The following IFT74 variants were observed in gnomAD, a reference collection of about 807,000 sequenced individuals.
IFT74 encodes the protein intraflagellar transport 74.
In IFT74, 92 loss-of-function variants were observed where a neutral mutation model predicts 96.7. That is an observed-to-expected ratio of 0.95 (90% CI 0.80 to 1.13). IFT74 has a LOEUF of 1.13. IFT74 is among the 50% of genes most tolerant of loss of function. IFT74 has a pLI of 0.00. For synonymous variants in IFT74, 223 were observed against 213.2 expected (o/e 1.05, Z -0.40); for missense variants, 811 against 698.2 (o/e 1.16, Z -1.82).
chr9:27,012,423 G>C (rs540644505), intron 10 of IFT74, among the ~76,000 whole-genome samples: 4 of 151,838 alleles, frequency 2.6e-5, no homozygotes, highest in African/African-American at 7.2e-5. Context: ...ACAGGGTCTC[G>C]TTATGGCTGA....
chr9:27,028,855 G>T (rs1353618275), intron 12 of IFT74, 170 bp from the exon 13 acceptor site: 3 of 516,716 alleles, frequency 5.8e-6, no homozygotes, highest in African/African-American at 2.0e-5. Context: ...TATGCAATTT[G>T]TAAAAGATAT....
chr9:27,021,570 T>C (rs1196768636), intron 12 of IFT74, among the ~76,000 whole-genome samples: 1 of 152,216 alleles, frequency 6.6e-6, no homozygotes, highest in Non-Finnish European at 1.5e-5. Flanking sequence ...GATTTGCATT[T>C]CCCTGATAAT....
chr9:27,057,306 G>C (rs563945285), intron 18 of IFT74, among the ~76,000 whole-genome samples: 81 of 152,154 alleles, frequency 5.3e-4, no homozygotes, highest in African/African-American at 1.8e-3. Context: ...ATAATTACTT[G>C]AACAGTGTGT....
intron 8 of IFT74, chr9:26,999,725 T>TCATTAAG: frequency 6.7e-7 from 1 of 1,489,050 alleles, no homozygotes; most frequent in African/African-American, 1.4e-5. Context: ...GAGAGTATTT[T>TCATTAAG]CATTAAGGAC....
chr9:26,959,089 T>TTTG (rs60936250), intron 1 of IFT74, among the ~76,000 whole-genome samples: 19,423 of 150,540 alleles, frequency 0.13, 2,283 homozygotes, highest in East Asian at 0.62. Context: ...AGCTATTCTT[T>TTTG]TTGTTGTTGT....
chr9:27,058,057 C>T (rs185801706), intron 18 of IFT74, among the ~76,000 whole-genome samples: 183 of 151,818 alleles, frequency 1.2e-3, no homozygotes, highest in Non-Finnish European at 1.7e-3. Context: ...GCTATTCATA[C>T]AGTCTTTCAA....
At chr9:26,990,104 CT>C in intron 7 of IFT74, 29 bp from the exon 8 acceptor site, 2 of 1,401,120 alleles carry the variant, frequency 1.4e-6, no homozygotes, top group Non-Finnish European at 1.9e-6. Flanking sequence ...ATATTTATTT[CT>C]TACTAACTTA....
At chr9:27,025,622 A>G (rs540252531) in intron 12 of IFT74, among the ~76,000 whole-genome samples, 5 of 152,314 alleles carry the variant, frequency 3.3e-5, no homozygotes, top group African/African-American at 1.2e-4. Context: ...AGGAAAACCT[A>G]TCAGATCAAT....
chr9:26,984,617 G>C (rs1827555046), intron 6 of IFT74, 58 bp downstream of exon 6: 4 of 1,356,506 alleles, frequency 2.9e-6, no homozygotes, highest in Non-Finnish European at 3.1e-6. Flanking sequence ...TTTTACTACT[G>C]CTTTAAAAAT....
intron 1 of IFT74, among the ~76,000 whole-genome samples, chr9:26,957,836 C>T (rs1010902635): frequency 4.6e-5 from 7 of 152,046 alleles, no homozygotes; most frequent in Admixed American, 1.3e-4. Flanking sequence ...CTCAGTCGCC[C>T]AGGCTGGAGT....
rs367969836 is a variant in IFT74 at position 26,961,622 on chromosome 9, A to G, written c.-19-327A>G. Among the ~76,000 whole-genome samples, 75 of 152,290 alleles carry G rather than the reference A, an allele frequency of 4.9e-4. 1 individual carries two copies. In the South Asian group the frequency reaches 0.016, roughly 32 times the overall value. On this transcript the variant is annotated intron_variant, in intron 1 of 19. Transcript: ENST00000380062. ...AATCATGGACCAGAAAGTGCAGAGA[A>G]AGGATTAGGGGCAAAGAAAGATGTT... is the stretch of plus-strand genomic sequence containing the variant.
chr9:26,989,984 G>T (rs115658335), intron 7 of IFT74, 150 bp from the exon 8 acceptor site: 2 of 419,494 alleles, frequency 4.8e-6, no homozygotes, highest in Non-Finnish European at 4.3e-6. Flanking sequence ...GTTAAATGAG[G>T]CAATTACTTT....
At chr9:26,982,084 GTT>G (rs113300059) in intron 4 of IFT74, among the ~76,000 whole-genome samples, 4 of 151,204 alleles carry the variant, frequency 2.6e-5, no homozygotes, top group African/African-American at 9.7e-5. Context: ...AATCTTCTAT[GTT>G]TTTTTTCAGT....
At chr9:27,030,336 C>A (rs1036690592) in intron 13 of IFT74, among the ~76,000 whole-genome samples, 1 of 152,080 alleles carries the variant, frequency 6.6e-6, no homozygotes, top group Non-Finnish European at 1.5e-5. Flanking sequence ...AAGTGATCCT[C>A]CTGTCTCAGC....
chr9:27,029,521 G>C (rs1036582059), intron 13 of IFT74, among the ~76,000 whole-genome samples: 1 of 152,166 alleles, frequency 6.6e-6, no homozygotes, highest in Non-Finnish European at 1.5e-5. Context: ...GCTGAGGCGG[G>C]CAGATCATCG....
chr9:26,949,722 T>A (rs1353301498), intron 1 of IFT74, among the ~76,000 whole-genome samples: 3 of 152,114 alleles, frequency 2.0e-5, no homozygotes, highest in Non-Finnish European at 4.4e-5. Context: ...ACTAGGTTTT[T>A]AAAGGATCGG....
chr9:27,061,396 G>A (rs527584981), intron 19 of IFT74, among the ~76,000 whole-genome samples: 1 of 152,138 alleles, frequency 6.6e-6, no homozygotes, highest in African/African-American at 2.4e-5. Flanking sequence ...GGGATCACAG[G>A]GCTTGGGTAA....
At chr9:27,036,819 A>C (rs934069859) in intron 13 of IFT74, 3 of 1,061,312 alleles carry the variant, frequency 2.8e-6, no homozygotes, top group African/African-American at 3.3e-5. Context: ...TGATTTACCA[A>C]AGTGACACAA....
chr9:26,966,648 T>A (rs1365186300), intron 2 of IFT74, among the ~76,000 whole-genome samples: 1 of 152,084 alleles, frequency 6.6e-6, no homozygotes, highest in Non-Finnish European at 1.5e-5. Flanking sequence ...TTGTTGATTG[T>A]TTGCTGTGCA....
Sources: allele counts gnomAD v4.1 joint callset (sites outside exome capture counted in the v4.1 genomes callset), GRCh38; gene constraint gnomAD v4.1.1; transcripts MANE v1.5; gene names NCBI Gene and HGNC (gene_info 2026-07-23, HGNC 2026-07-21).